Variants in ILRUN observed in about 807,000 individuals in gnomAD.
The protein encoded by ILRUN is protein ILRUN.
A neutral mutation model predicts 33.8 loss-of-function variants in ILRUN; 3 were observed. The ratio of observed to expected loss-of-function variants is 0.09; its 90% CI spans 0.04 to 0.23. The LOEUF (loss-of-function observed/expected upper bound fraction) is 0.23, where lower values mean the gene tolerates loss of function less well. Ranked by LOEUF, ILRUN falls within the 10% of genes least tolerant of loss-of-function variation. The pLI is 1.00. For missense variants in ILRUN, 210 were observed against 375.1 expected (o/e 0.56, Z 3.64); for synonymous variants, 124 against 138.9 (o/e 0.89, Z 0.75).
intron 1 of ILRUN, 102 bp downstream of exon 1, chr6:34,696,344 G>C: frequency 2.3e-6 from 3 of 1,304,810 alleles, no homozygotes; most frequent in Non-Finnish European, 3.1e-6. Flanking sequence ...GTGGCCCTCA[G>C]TACCCGCCTG....
intron 3 of ILRUN, chr6:34,617,203 G>C (rs1465738699): frequency 2.1e-6 from 1 of 476,006 alleles, no homozygotes; most frequent in East Asian, 5.7e-5. Flanking sequence ...GTAGAAGGTG[G>C]AGATGGTGGC....
At chr6:34,638,689 A>G (rs1346198722) in intron 3 of ILRUN, among the ~76,000 whole-genome samples, 2 of 152,132 alleles carry the variant, frequency 1.3e-5, no homozygotes, top group African/African-American at 2.4e-5. Context: ...TGGGTGACAA[A>G]GCAAGACCCT....
chr6:34,654,463 T>G (rs531605727), intron 2 of ILRUN, among the ~76,000 whole-genome samples, 162 bp downstream of exon 2: 1 of 152,364 alleles, frequency 6.6e-6, no homozygotes, highest in East Asian at 1.9e-4. Flanking sequence ...GATATTTCAC[T>G]AATGTTTGGT....
intron 3 of ILRUN, among the ~76,000 whole-genome samples, chr6:34,607,681 T>C (rs1040517293): frequency 4.6e-5 from 7 of 152,220 alleles, no homozygotes; most frequent in African/African-American, 1.2e-4. Context: ...ACTACACACC[T>C]AGGCTATATG....
chr6:34,683,486 A>G (rs1483410346), intron 1 of ILRUN, among the ~76,000 whole-genome samples: 2 of 106,694 alleles, frequency 1.9e-5, no homozygotes, highest in East Asian at 2.3e-4. Context: ...ATATATATAT[A>G]CATATATATA....
rs1467311639 is a variant in ILRUN at position 34,631,209 on chromosome 6, A to T, written c.511+15392T>A. On this transcript the variant is annotated intron_variant, in intron 3 of 4. Transcript: ENST00000374023. ...GTAGACAGGATGTACTGGCTAAAAG[A>T]AACTGTAGTAAAGAAGCCAGTAGTA... 4.6e-5 allele frequency among the ~76,000 whole-genome samples: 7 copies of T among 152,342 alleles called. No individual in the cohort carries two copies. In the East Asian group the frequency reaches 9.6e-4, roughly 21 times the overall value.
chr6:34,641,983 T>TAG (rs763856598), intron 3 of ILRUN, among the ~76,000 whole-genome samples: 3 of 152,180 alleles, frequency 2.0e-5, no homozygotes. Context: ...GAACAGCACC[T>TAG]AGTTTGAGGC....
chr6:34,667,208 G>A (rs1763024164), intron 1 of ILRUN, among the ~76,000 whole-genome samples: 1 of 152,160 alleles, frequency 6.6e-6, no homozygotes, highest in African/African-American at 2.4e-5. Flanking sequence ...GTGAATGAAG[G>A]TGTTTATGTA....
At chr6:34,628,637 T>C (rs1322638932) in intron 3 of ILRUN, among the ~76,000 whole-genome samples, 1 of 151,652 alleles carries the variant, frequency 6.6e-6, no homozygotes, top group Non-Finnish European at 1.5e-5. Context: ...CGGCCCACCT[T>C]TTTACACATT....
intron 1 of ILRUN, among the ~76,000 whole-genome samples, chr6:34,674,662 A>G (rs1306853340): frequency 2.6e-5 from 4 of 152,236 alleles, no homozygotes; most frequent in Non-Finnish European, 5.9e-5. Flanking sequence ...ACAAGCTGAC[A>G]GAACTACTTT....
chr6:34,622,643 T>C (rs1454395194), intron 3 of ILRUN, among the ~76,000 whole-genome samples: 1 of 152,158 alleles, frequency 6.6e-6, no homozygotes, highest in Non-Finnish European at 1.5e-5. Flanking sequence ...AGAACGCTTG[T>C]GTGCTGTTAG....
At chr6:34,682,920 A>T (rs1392520754) in intron 1 of ILRUN, among the ~76,000 whole-genome samples, 1 of 148,380 alleles carries the variant, frequency 6.7e-6, no homozygotes, top group Non-Finnish European at 1.5e-5. Context: ...AAATAAAGTT[A>T]AAAAAAAAAT....
rs761847135 is a variant in ILRUN, at chr6:34,696,457, G to A, written c.147C>T (p.Asp49=). 1.2e-4 allele frequency: 195 copies of A among 1,583,480 alleles called. No homozygotes were observed. The highest frequency in any genetic ancestry group is 1.6e-4 in the Admixed American group (9 of 55,046). ...LNPAGCAFFL[D]MTNWNLQAAI... Reference sequence around the variant, plus strand: ...CGGGGCCGGCTCACCAGTTGGTCATGTCCAGGAAGAAGGCGCAACCGGCAG... The same window carrying A: ...CGGGGCCGGCTCACCAGTTGGTCATATCCAGGAAGAAGGCGCAACCGGCAG... Residue 49 remains aspartate, a synonymous_variant, in exon 1 of 5, where the codon GAC becomes GAT. Coordinates refer to ENST00000374023, the MANE Select transcript of ILRUN (RefSeq NM_024294.4).
chr6:34,639,170 G>A (rs1274227759), intron 3 of ILRUN, among the ~76,000 whole-genome samples: 1 of 152,194 alleles, frequency 6.6e-6, no homozygotes, highest in Non-Finnish European at 1.5e-5. Context: ...GGGACATATT[G>A]TGGTTTGGGA....
chr6:34,598,680 C>A (rs1761450453), intron 4 of ILRUN, among the ~76,000 whole-genome samples: 1 of 152,190 alleles, frequency 6.6e-6, no homozygotes, highest in South Asian at 2.1e-4. Flanking sequence ...TTTGAAGCTA[C>A]TGAGGTACAA....
chr6:34,639,725 C>T (rs1401227040), intron 3 of ILRUN, among the ~76,000 whole-genome samples: 1 of 152,142 alleles, frequency 6.6e-6, no homozygotes, highest in African/African-American at 2.4e-5. Context: ...ACCCTAGAAC[C>T]AGTTTCCTTC....
chr6:34,683,157 CGT>C (rs10609471), intron 1 of ILRUN, among the ~76,000 whole-genome samples: 24,833 of 149,706 alleles, frequency 0.17, 2,167 homozygotes, highest in African/African-American at 0.22. Context: ...TAAATACACA[CGT>C]GTGTTTATGT....
chr6:34,661,305 T>C (rs1762879714), intron 1 of ILRUN, among the ~76,000 whole-genome samples: 1 of 152,180 alleles, frequency 6.6e-6, no homozygotes, highest in African/African-American at 2.4e-5. Flanking sequence ...TCTACAACTT[T>C]CAAATGATTT....
chr6:34,588,217 GT>G lies in ILRUN; in HGVS notation c.*2347del. 1 of 398,744 alleles carries G rather than the reference GT, an allele frequency of 2.5e-6. No individual in the cohort carries two copies. The highest frequency in any genetic ancestry group is 4.4e-6 in the Non-Finnish European group (1 of 226,132). The allele number at this position is 398,744 out of a possible 1,614,324, so 24.7% of individuals were successfully genotyped here. ...GCCTCCAAGGATGTGCACAGAAATG[GT>G]TTGTTCTTGGGAAGGGAGACAAGGT... On this transcript the variant is annotated 3_prime_UTR_variant, in exon 5 of 5. Transcript: ENST00000374023.
Sources: gnomAD v4.1 joint callset for allele counts (sites outside exome capture counted in the v4.1 genomes callset) on GRCh38, gnomAD v4.1.1 for gene constraint, MANE v1.5 for transcripts, NCBI Gene and HGNC (gene_info 2026-07-23, HGNC 2026-07-21) for gene names.